The following KCNJ6 variants were observed in gnomAD, a reference collection of about 807,000 sequenced individuals.
KCNJ6 encodes the protein G protein-activated inward rectifier potassium channel 2.
In KCNJ6, 9 loss-of-function variants were observed where a neutral mutation model predicts 34.2. The ratio of observed to expected loss-of-function variants is 0.26; its 90% CI spans 0.16 to 0.46. The LOEUF is 0.46. KCNJ6 is among the 20% of genes least tolerant of loss of function. The pLI is 1.00. For synonymous variants in KCNJ6, 196 were observed against 207.1 expected, an observed-to-expected ratio of 0.95 and a Z score of 0.46; for missense variants, 236 against 531.3, an observed-to-expected ratio of 0.44 and a Z score of 5.46.
chr21:37,914,010 T>C (rs3061063), intron 1 of KCNJ6, among the ~76,000 whole-genome samples: 35 of 106,578 alleles, frequency 3.3e-4, no homozygotes, highest in Middle Eastern at 3.8e-3. Flanking sequence ...CGGATCGGGG[T>C]GTGTGTGTGT....
intron 1 of KCNJ6, among the ~76,000 whole-genome samples, chr21:37,848,693 G>A (rs938316828): frequency 2.0e-5 from 3 of 152,196 alleles, no homozygotes; most frequent in Non-Finnish European, 2.9e-5. Flanking sequence ...GGGCTTCAGC[G>A]TGAGTTCGTA....
intron 3 of KCNJ6, among the ~76,000 whole-genome samples, chr21:37,627,941 A>G (rs2054318440): frequency 6.6e-6 from 1 of 152,238 alleles, no homozygotes; most frequent in African/African-American, 2.4e-5. Flanking sequence ...TGATCACTAA[A>G]TTAACTGAGC....
At chr21:37,745,591 G>A (rs764438947) in intron 2 of KCNJ6, among the ~76,000 whole-genome samples, 6 of 152,060 alleles carry the variant, frequency 3.9e-5, no homozygotes, top group Non-Finnish European at 7.3e-5. Context: ...TTGGACTTCT[G>A]ACCTCTAGGA....
chr21:37,826,027 C>T (rs1405054601), intron 2 of KCNJ6, among the ~76,000 whole-genome samples: 1 of 152,076 alleles, frequency 6.6e-6, no homozygotes, highest in Non-Finnish European at 1.5e-5. Flanking sequence ...CCACCTATCC[C>T]CTTCCCCACT....
At chr21:37,682,603 A>T (rs4817885) in intron 3 of KCNJ6, among the ~76,000 whole-genome samples, 14,316 of 152,044 alleles carry the variant, frequency 0.094, 1,621 homozygotes, top group African/African-American at 0.27. Flanking sequence ...CCACCAGGAT[A>T]ATCCAGGATG....
At chr21:37,812,114 A>G (rs560648018) in intron 2 of KCNJ6, among the ~76,000 whole-genome samples, 15 of 152,344 alleles carry the variant, frequency 9.8e-5, no homozygotes, top group Non-Finnish European at 1.9e-4. Flanking sequence ...ATTGGAAACC[A>G]TGTAAATTAG....
At chr21:37,870,593 G>GTT (rs59194229) in intron 1 of KCNJ6, among the ~76,000 whole-genome samples, 5 of 150,590 alleles carry the variant, frequency 3.3e-5, no homozygotes, top group Non-Finnish European at 7.4e-5. Flanking sequence ...TCAAAATTTT[G>GTT]TTTTTTTTGG....
rs895884357 is a variant in KCNJ6, at chr21:37,809,046, C to T, written c.25+31612G>A. 2.6e-5 allele frequency among the ~76,000 whole-genome samples: 4 copies of T among 152,190 alleles called. No individual in the cohort carries two copies. The East Asian group carries it at 7.7e-4, about 29-fold the overall frequency. On this transcript the variant is annotated intron_variant, in intron 2 of 3. Transcript: ENST00000609713. Reference sequence around the variant, plus strand: ...CTGGGTATATACCCAAAGGATTATACATCATGCTGCTATAAAGACACATGC... The same window carrying T: ...CTGGGTATATACCCAAAGGATTATATATCATGCTGCTATAAAGACACATGC...
At chr21:37,760,043 G>A (rs765483388) in intron 2 of KCNJ6, among the ~76,000 whole-genome samples, 11 of 152,136 alleles carry the variant, frequency 7.2e-5, no homozygotes, top group Non-Finnish European at 1.3e-4. Context: ...GCACCAACTC[G>A]CCAGCCACGG....
In KCNJ6 at chr21:37,835,031, C is replaced by A. The variant is rs185028228; in HGVS notation, c.25+5627G>T. Among the ~76,000 whole-genome samples the A allele has an allele frequency of 3.5e-3, 527 of 152,272 alleles. 7 individuals carry two copies. Among genetic ancestry groups the A allele is most frequent in the Non-Finnish European group, 1.1e-3 (73 of 68,024 alleles). ...AAGGGATGGCTGGGGTAGAATGGCT[C>A]ATGACAACAACCCCTAGGGACGCTC... On this transcript the variant is annotated intron_variant, in intron 2 of 3. Transcript: ENST00000609713.
chr21:37,685,055 CTTTAT>C (rs1318084574), intron 3 of KCNJ6, among the ~76,000 whole-genome samples: 1 of 152,040 alleles, frequency 6.6e-6, no homozygotes, highest in African/African-American at 2.4e-5. Flanking sequence ...GAGTCATTTC[CTTTAT>C]ATAAAGCCAG....
intron 2 of KCNJ6, among the ~76,000 whole-genome samples, chr21:37,830,018 G>A (rs1240939439): frequency 6.6e-6 from 1 of 152,160 alleles, no homozygotes; most frequent in Non-Finnish European, 1.5e-5. Context: ...CAGGGTCCCC[G>A]CCTCCTCCAC....
chr21:37,666,740 A>G (rs1411487607), intron 3 of KCNJ6, among the ~76,000 whole-genome samples: 11 of 151,940 alleles, frequency 7.2e-5, no homozygotes, highest in Admixed American at 7.2e-4. Context: ...AGAAAGAGAG[A>G]TCAGATTGTT....
At chr21:37,894,784 G>A (rs1017763769) in intron 1 of KCNJ6, among the ~76,000 whole-genome samples, 4 of 152,172 alleles carry the variant, frequency 2.6e-5, no homozygotes, top group African/African-American at 2.4e-5. Context: ...TCTAGGTGAG[G>A]CAGTTTTAGG....
At position 37,853,846 on chromosome 21, in the gene KCNJ6, G is replaced by GTATATATATATATATA. The variant is rs144698876; in HGVS notation, c.-27-13153_-27-13138dup. 3.5e-3 allele frequency among the ~76,000 whole-genome samples: 405 copies of GTATATATATATATATA among 115,942 alleles called. 2 individuals carry two copies. The highest frequency in any genetic ancestry group is 7.6e-3 in the African/African-American group (190 of 25,096). 76.1% of individuals were successfully genotyped at this position (115,942 alleles called of 152,430 possible). A position where few individuals can be genotyped will look rare whatever the true frequency, so the allele number is the denominator to read the frequency against. ...GTAGTTAAGAGATACATATATATAT[G>GTATATATATATATATA]TATATATATATATATAAATTACATT... On this transcript the variant is annotated intron_variant, in intron 1 of 3. Transcript: ENST00000609713.
intron 3 of KCNJ6, among the ~76,000 whole-genome samples, chr21:37,679,725 C>T (rs1281671206): frequency 6.6e-6 from 1 of 152,038 alleles, no homozygotes; most frequent in African/African-American, 2.4e-5. Flanking sequence ...TGACCTTCAC[C>T]GAGGGGGCCT....
chr21:37,915,397 C>T (rs1040110338), intron 1 of KCNJ6, among the ~76,000 whole-genome samples: 4 of 152,186 alleles, frequency 2.6e-5, no homozygotes, highest in Non-Finnish European at 5.9e-5. Flanking sequence ...CCATTCTCCG[C>T]ATGTTTCTCC....
chr21:37,736,296 G>A (rs1396990539), intron 2 of KCNJ6, among the ~76,000 whole-genome samples: 1 of 152,152 alleles, frequency 6.6e-6, no homozygotes, highest in Non-Finnish European at 1.5e-5. Flanking sequence ...GTGAGGGTGG[G>A]GTGGGGTAGG....
At chr21:37,881,884 G>A (rs1299426397) in intron 1 of KCNJ6, among the ~76,000 whole-genome samples, 2 of 152,176 alleles carry the variant, frequency 1.3e-5, no homozygotes, top group Non-Finnish European at 2.9e-5. Context: ...GGTCCTGACA[G>A]TTGCCTTCAG....
Sources: allele counts gnomAD v4.1 joint callset (sites outside exome capture counted in the v4.1 genomes callset), GRCh38; gene constraint gnomAD v4.1.1; transcripts MANE v1.5; gene names NCBI Gene and HGNC (gene_info 2026-07-23, HGNC 2026-07-21).